Variants in CAMTA1 observed in about 807,000 individuals in gnomAD.
CAMTA1 encodes the protein calmodulin binding transcription activator 1.
In CAMTA1, 27 loss-of-function variants were observed where a neutral mutation model predicts 170.9. The observed-to-expected ratio is 0.16, with a 90% CI of 0.12 to 0.22. CAMTA1 has a LOEUF of 0.22. Ranked by LOEUF, CAMTA1 falls within the 10% of genes least tolerant of loss-of-function variation. The pLI is 1.00. For synonymous variants in CAMTA1, 833 were observed against 891.5 expected, an observed-to-expected ratio of 0.93 and a Z score of 1.17; for missense variants, 1,619 against 2,217.2, an observed-to-expected ratio of 0.73 and a Z score of 5.42.
rs559286238 is a variant in CAMTA1, at chr1:7,589,453, T to A, written c.511-50947T>A. Reference sequence around the variant, plus strand: ...GAAGGAGGACAGCTTGACTGTGGGATGCTTGGGGACCCAGGGGAGGCAAAT... The same window carrying A: ...GAAGGAGGACAGCTTGACTGTGGGAAGCTTGGGGACCCAGGGGAGGCAAAT... On this transcript the variant is annotated intron_variant, in intron 6 of 22. Coordinates refer to ENST00000303635, the MANE Select transcript of CAMTA1 (RefSeq NM_015215.4). 1.1e-4 allele frequency among the ~76,000 whole-genome samples: 16 copies of A among 152,316 alleles called. No individual in the cohort carries two copies. The East Asian group carries it at 1.5e-3, about 15-fold the overall frequency.
At chr1:7,539,340 TG>T (rs2094582673) in intron 6 of CAMTA1, among the ~76,000 whole-genome samples, 1 of 152,232 alleles carries the variant, frequency 6.6e-6, no homozygotes, top group African/African-American at 2.4e-5. Context: ...TGAAGAGCAG[TG>T]GCCTTTTCTT....
intron 5 of CAMTA1, among the ~76,000 whole-genome samples, chr1:7,413,581 G>A (rs1354172658): frequency 1.3e-5 from 2 of 152,128 alleles, no homozygotes; most frequent in Non-Finnish European, 2.9e-5. Flanking sequence ...GTATAAGAAT[G>A]CTTGTGATTT....
chr1:6,790,002 C>T (rs975683690), intron 1 of CAMTA1, among the ~76,000 whole-genome samples: 18 of 150,998 alleles, frequency 1.2e-4, no homozygotes, highest in Non-Finnish European at 2.1e-4. Context: ...TTAATAGAGA[C>T]GGGGTTTCAC....
chr1:6,851,880 G>A (rs1660499353), intron 3 of CAMTA1, among the ~76,000 whole-genome samples: 1 of 152,000 alleles, frequency 6.6e-6, no homozygotes, highest in South Asian at 2.1e-4. Context: ...CGGGCGTGGT[G>A]GTGCACGCCT....
chr1:7,295,789 C>T lies in CAMTA1; in HGVS notation c.438+46163C>T, dbSNP rs114867444. ...TACAATCTCAAGAGGTGATCAGTGC[C>T]ACAGAGAAAATAGAGCAGGGTGTAT... On this transcript the variant is annotated intron_variant, in intron 5 of 22. Transcript: ENST00000303635. Among the ~76,000 whole-genome samples the T allele has an allele frequency of 4.0e-3, 614 of 152,282 alleles. 2 individuals carry two copies. Among genetic ancestry groups the T allele is most frequent in the Admixed American group, 8.5e-3 (130 of 15,292 alleles).
In CAMTA1 at chr1:7,446,177, C is replaced by A. The variant is rs544517393; in HGVS notation, c.439-21653C>A. Among the ~76,000 whole-genome samples, 208 of 128,758 alleles carry A rather than the reference C, an allele frequency of 1.6e-3. 2 individuals carry two copies. Among genetic ancestry groups the A allele is most frequent in the Admixed American group, 2.6e-3 (35 of 13,572 alleles). 84.5% of individuals were successfully genotyped at this position (128,758 alleles called of 152,430 possible). A position where few individuals can be genotyped will look rare whatever the true frequency, so the allele number is the denominator to read the frequency against. On this transcript the variant is annotated intron_variant, in intron 5 of 22. Transcript: ENST00000303635. ...AATATTGAGTATAATTAAAACTCTG[C>A]TGTGAAAAAAAAAAAAAAGCCTAGC...
intron 3 of CAMTA1, among the ~76,000 whole-genome samples, chr1:6,929,664 A>G (rs1290515666): frequency 6.7e-6 from 1 of 149,384 alleles, no homozygotes; most frequent in Non-Finnish European, 1.5e-5. Flanking sequence ...TGCCCGGCCT[A>G]ATTTTTGTAT....
intron 5 of CAMTA1, among the ~76,000 whole-genome samples, chr1:7,453,009 A>G (rs912690267): frequency 6.6e-6 from 1 of 152,258 alleles, no homozygotes; most frequent in South Asian, 2.1e-4. Flanking sequence ...AAGGAAACAC[A>G]GATGAAATAA....
chr1:7,408,373 C>T (rs1246095840), intron 5 of CAMTA1, among the ~76,000 whole-genome samples: 4 of 152,230 alleles, frequency 2.6e-5, no homozygotes, highest in Non-Finnish European at 4.4e-5. Context: ...CTGCGAGCAG[C>T]GGGGCTGGTG....
At position 7,195,053 on chromosome 1, in the gene CAMTA1, T is replaced by C. The variant is rs1328188721; in HGVS notation, c.303-54438T>C. Reference sequence around the variant, plus strand: ...AGTAGGAAGATGTCTGCTGGCTAGGTAGAAGGTTTCTGGTTTAATGGTGAA... The same window carrying C: ...AGTAGGAAGATGTCTGCTGGCTAGGCAGAAGGTTTCTGGTTTAATGGTGAA... On this transcript the variant is annotated intron_variant, in intron 4 of 22. Coordinates refer to ENST00000303635, the MANE Select transcript of CAMTA1 (RefSeq NM_015215.4). This position sits in a 1 kb window ranked among gnomAD's most constrained non-coding sequence, Gnocchi z 4.1. Among the ~76,000 whole-genome samples, 2 of 152,154 alleles carry C rather than the reference T, an allele frequency of 1.3e-5. No homozygotes were observed. The highest frequency in any genetic ancestry group is 2.9e-5 in the Non-Finnish European group (2 of 68,038).
chr1:7,232,726 C>T lies in CAMTA1; in HGVS notation c.303-16765C>T, dbSNP rs530295896. Among the ~76,000 whole-genome samples, 8 of 152,208 alleles carry T rather than the reference C, an allele frequency of 5.3e-5. No individual in the cohort carries two copies. In the East Asian group the frequency reaches 7.8e-4, roughly 15 times the overall value. ...CTCTCCCTTTGTGGCAGCTACTCTC[C>T]GCCCATCTTTCTCTTAATAGTTATG... On this transcript the variant is annotated intron_variant, in intron 4 of 22. Transcript: ENST00000303635.
chr1:6,914,429 C>G (rs1452997919), intron 3 of CAMTA1, among the ~76,000 whole-genome samples: 1 of 152,214 alleles, frequency 6.6e-6, no homozygotes, highest in Non-Finnish European at 1.5e-5. Flanking sequence ...TGTTCTACCT[C>G]TGTGCACTTG....
In CAMTA1 at chr1:7,565,494, A is replaced by ATCAGGGGCTGGGCTTTCC. The variant is rs1553204655; in HGVS notation, c.511-74905_511-74888dup. ...ACAGAGGGCTTGGCTGAGTGTCCAC[A>ATCAGGGGCTGGGCTTTCC]TCAGGGGCTGGGCTTTCCGCAGAGA... On this transcript the variant is annotated intron_variant, in intron 6 of 22. Transcript: ENST00000303635. This position sits in a 1 kb window ranked among gnomAD's most constrained non-coding sequence, Gnocchi z 4.5. Among the ~76,000 whole-genome samples the ATCAGGGGCTGGGCTTTCC allele has an allele frequency of 1.3e-5, 2 of 152,180 alleles. No homozygotes were observed. Among genetic ancestry groups the ATCAGGGGCTGGGCTTTCC allele is most frequent in the Non-Finnish European group, 2.9e-5 (2 of 68,018 alleles).
chr1:6,788,152 C>T (rs1639960678), intron 1 of CAMTA1, among the ~76,000 whole-genome samples: 1 of 151,676 alleles, frequency 6.6e-6, no homozygotes, highest in Non-Finnish European at 1.5e-5. Flanking sequence ...GCTTTGCCTC[C>T]TCAGGTCTCC....
intron 5 of CAMTA1, among the ~76,000 whole-genome samples, chr1:7,458,048 T>C (rs1260975293): frequency 6.9e-6 from 1 of 145,060 alleles, no homozygotes; most frequent in African/African-American, 2.5e-5. Context: ...GCTGTTTCCC[T>C]CACCAGCTTC....
Position 7,634,315 on chromosome 1 carries a change from G to A in CAMTA1, c.511-6085G>A, listed in dbSNP as rs984948817. ...GTGATCGACTGGCCGTTGAGGGAGA[G>A]GGAGGGAAAATGAGAGGATGACTCC... On this transcript the variant is annotated intron_variant, in intron 6 of 22. Coordinates refer to ENST00000303635, the MANE Select transcript of CAMTA1 (RefSeq NM_015215.4). This position sits in a 1 kb window ranked among gnomAD's most constrained non-coding sequence, Gnocchi z 6.2. Among the ~76,000 whole-genome samples the A allele has an allele frequency of 2.0e-5, 3 of 152,246 alleles. No homozygotes were observed. The highest frequency in any genetic ancestry group is 4.8e-5 in the African/African-American group (2 of 41,544).
intron 9 of CAMTA1, among the ~76,000 whole-genome samples, chr1:7,666,059 C>G (rs1228935984): frequency 6.6e-6 from 1 of 151,674 alleles, no homozygotes; most frequent in Non-Finnish European, 1.5e-5. Flanking sequence ...ATCCCAGCTA[C>G]TCGGGAGGCT....
In CAMTA1 at chr1:7,333,900, A is replaced by G. The variant is rs1197812959; in HGVS notation, c.438+84274A>G. On this transcript the variant is annotated intron_variant, in intron 5 of 22. Transcript: ENST00000303635. This position sits in a 1 kb window ranked among gnomAD's most constrained non-coding sequence, Gnocchi z 4.4. Reference sequence around the variant, plus strand: ...GAATTTTTTTTTATTACTTACATTTATCAAGGAAAGAGGTGGGGTTGGAAA... The same window carrying G: ...GAATTTTTTTTTATTACTTACATTTGTCAAGGAAAGAGGTGGGGTTGGAAA... Among the ~76,000 whole-genome samples, 1 of 152,106 alleles carries G rather than the reference A, an allele frequency of 6.6e-6. No homozygotes were observed. The highest frequency in any genetic ancestry group is 1.5e-5 in the Non-Finnish European group (1 of 68,018).
intron 1 of CAMTA1, among the ~76,000 whole-genome samples, chr1:6,816,627 T>A (rs1645847308): frequency 6.6e-6 from 1 of 152,210 alleles, no homozygotes; most frequent in Admixed American, 6.5e-5. Flanking sequence ...AGATCTGACT[T>A]GAAAGCTTGT....
Sources: gnomAD v4.1 joint callset for allele counts (sites outside exome capture counted in the v4.1 genomes callset) on GRCh38, gnomAD v4.1.1 for gene constraint, Gnocchi (gnomAD v3.1) non-coding constraint, MANE v1.5 for transcripts, NCBI Gene and HGNC (gene_info 2026-07-23, HGNC 2026-07-21) for gene names.